The following GALNTL6 variants were observed in gnomAD, a reference collection of about 807,000 sequenced individuals.
GALNTL6 encodes the protein polypeptide N-acetylgalactosaminyltransferase like 6.
GALNTL6 carries 46 observed loss-of-function variants against 73.7 expected under a neutral mutation model. That is an observed-to-expected ratio of 0.62 (90% CI 0.49 to 0.80). GALNTL6 has a LOEUF of 0.80. Ranked by LOEUF, GALNTL6 falls within the 30% of genes least tolerant of loss-of-function variation. GALNTL6 has a pLI of 0.00. For missense variants in GALNTL6, 604 were observed against 755.0 expected, an observed-to-expected ratio of 0.80 and a Z score of 2.34; for synonymous variants, 259 against 263.7, an observed-to-expected ratio of 0.98 and a Z score of 0.17.
intron 3 of GALNTL6, among the ~76,000 whole-genome samples, chr4:172,276,893 A>G (rs1416684047): frequency 1.3e-5 from 2 of 152,158 alleles, no homozygotes; most frequent in African/African-American, 4.8e-5. Context: ...ATGCCATTTT[A>G]TTAATTTAAT....
chr4:172,283,797 C>A (rs1260751527), intron 3 of GALNTL6, among the ~76,000 whole-genome samples: 1 of 152,010 alleles, frequency 6.6e-6, no homozygotes, highest in Non-Finnish European at 1.5e-5. Flanking sequence ...TTAATTATCA[C>A]AAAAGAAATG....
chr4:172,266,808 A>G (rs1028074558), intron 3 of GALNTL6, among the ~76,000 whole-genome samples: 2 of 152,236 alleles, frequency 1.3e-5, no homozygotes, highest in Non-Finnish European at 2.9e-5. Flanking sequence ...CAAATAGTGA[A>G]CACTGTGATC....
intron 2 of GALNTL6, among the ~76,000 whole-genome samples, chr4:172,024,006 TTAATC>T (rs1418500282): frequency 6.6e-6 from 1 of 151,840 alleles, no homozygotes; most frequent in Non-Finnish European, 1.5e-5. Flanking sequence ...AAATATATAA[TTAATC>T]TACTGGTCTA....
chr4:172,380,539 C>A (rs536404183), intron 5 of GALNTL6: 9 of 359,986 alleles, frequency 2.5e-5, no homozygotes, highest in South Asian at 1.7e-4. Context: ...GTTTATATAT[C>A]CTTGTTTTCA....
intron 5 of GALNTL6, among the ~76,000 whole-genome samples, chr4:172,353,644 A>G (rs1742042987): frequency 6.6e-6 from 1 of 152,034 alleles, no homozygotes. Context: ...AATGTCTTTC[A>G]AAACTTTATA....
chr4:172,564,138 C>A (rs1199009749), intron 5 of GALNTL6, among the ~76,000 whole-genome samples: 2 of 152,124 alleles, frequency 1.3e-5, no homozygotes, highest in Non-Finnish European at 2.9e-5. Context: ...CACTTTTATT[C>A]TTTAAGAAAA....
At chr4:172,685,186 A>C (rs956108346) in intron 5 of GALNTL6, among the ~76,000 whole-genome samples, 5 of 152,196 alleles carry the variant, frequency 3.3e-5, no homozygotes, top group African/African-American at 1.2e-4. Flanking sequence ...ATAAAAATTC[A>C]CCGAGATTCA....
chr4:172,562,585 C>T (rs1231884661), intron 5 of GALNTL6, among the ~76,000 whole-genome samples: 1 of 152,168 alleles, frequency 6.6e-6, no homozygotes, highest in Non-Finnish European at 1.5e-5. Flanking sequence ...GCTGAATGTC[C>T]TATGAGAAGC....
intron 5 of GALNTL6, among the ~76,000 whole-genome samples, chr4:172,533,757 T>G (rs1485705421): frequency 6.6e-6 from 1 of 152,158 alleles, no homozygotes; most frequent in Non-Finnish European, 1.5e-5. Flanking sequence ...TATTTCCTCA[T>G]GGAAATGATG....
chr4:171,968,426 G>A (rs952042725), intron 2 of GALNTL6, among the ~76,000 whole-genome samples: 1 of 152,116 alleles, frequency 6.6e-6, no homozygotes, highest in East Asian at 1.9e-4. Context: ...ACACAACACC[G>A]TAATCTCTTC....
intron 5 of GALNTL6, among the ~76,000 whole-genome samples, chr4:172,652,909 C>T (rs956852407): frequency 2.6e-5 from 4 of 152,034 alleles, no homozygotes; most frequent in African/African-American, 9.7e-5. Context: ...TTTTAACACC[C>T]ATAAATTCTT....
intron 2 of GALNTL6, among the ~76,000 whole-genome samples, chr4:172,079,797 A>T (rs1386851751): frequency 1.3e-5 from 2 of 152,078 alleles, no homozygotes; most frequent in Non-Finnish European, 2.9e-5. Flanking sequence ...TTTTAGTATA[A>T]GAGATATTTA....
chr4:172,355,360 A>T (rs1742113943), intron 5 of GALNTL6, among the ~76,000 whole-genome samples: 1 of 152,142 alleles, frequency 6.6e-6, no homozygotes. Flanking sequence ...ACGTTGTTTG[A>T]GAGAATGGCA....
intron 5 of GALNTL6, among the ~76,000 whole-genome samples, chr4:172,465,178 A>G (rs938343335): frequency 6.6e-6 from 1 of 152,144 alleles, no homozygotes; most frequent in Non-Finnish European, 1.5e-5. Context: ...GGTCTGCTAT[A>G]TTTAAGAAAC....
chr4:172,906,250 C>G (rs1443378787), intron 8 of GALNTL6, among the ~76,000 whole-genome samples: 2 of 151,096 alleles, frequency 1.3e-5, no homozygotes, highest in Non-Finnish European at 3.0e-5. Flanking sequence ...AAAAAACACA[C>G]ACAAATACCC....
At chr4:172,833,433 T>C (rs574672427) in intron 7 of GALNTL6, among the ~76,000 whole-genome samples, 9 of 152,282 alleles carry the variant, frequency 5.9e-5, no homozygotes, top group African/African-American at 2.2e-4. Context: ...AACAGTGCTC[T>C]AGACAGGGCG....
At chr4:172,303,203 T>C (rs1037745804) in intron 3 of GALNTL6, among the ~76,000 whole-genome samples, 1 of 152,138 alleles carries the variant, frequency 6.6e-6, no homozygotes, top group African/African-American at 2.4e-5. Context: ...TTTCACCATC[T>C]TGGCCAGGCT....
chr4:171,939,063 C>A (rs1738441290), intron 2 of GALNTL6, among the ~76,000 whole-genome samples: 1 of 147,234 alleles, frequency 6.8e-6, no homozygotes, highest in African/African-American at 2.5e-5. Context: ...TTTTTCTTTG[C>A]CTTCACCAAA....
intron 3 of GALNTL6, among the ~76,000 whole-genome samples, chr4:172,301,447 A>T (rs1026278456): frequency 6.6e-5 from 10 of 152,014 alleles, no homozygotes; most frequent in African/African-American, 2.4e-4. Flanking sequence ...AGGCACTCTG[A>T]TTTTTAGAAT....
Sources: gnomAD v4.1 joint callset for allele counts (sites outside exome capture counted in the v4.1 genomes callset) on GRCh38, gnomAD v4.1.1 for gene constraint, MANE v1.5 for transcripts, NCBI Gene and HGNC (gene_info 2026-07-23, HGNC 2026-07-21) for gene names.